Variants in GRID2 observed in about 807,000 individuals in gnomAD.
The protein encoded by GRID2 is glutamate receptor ionotropic, delta-2.
Under a neutral mutation model 114.8 loss-of-function variants are expected in GRID2, and 33 were observed. The observed-to-expected ratio is 0.29, with a 90% CI of 0.22 to 0.38. The LOEUF is 0.38. GRID2 is among the 10% of genes least tolerant of loss of function. The probability of loss-of-function intolerance (pLI) is 1.00; values close to 1 mark genes in which losing one functional copy is unlikely to be tolerated. For missense variants in GRID2, 1,184 were observed against 1,257.7 expected, an observed-to-expected ratio of 0.94 and a Z score of 0.89; for synonymous variants, 505 against 449.9, an observed-to-expected ratio of 1.12 and a Z score of -1.55.
intron 2 of GRID2, among the ~76,000 whole-genome samples, chr4:92,991,288 A>G (rs1754888411): frequency 6.6e-6 from 1 of 152,162 alleles, no homozygotes; most frequent in Non-Finnish European, 1.5e-5. Context: ...ACATATACAG[A>G]CTATCAGGAC....
chr4:93,233,329 A>AT (rs1309007914), intron 7 of GRID2, among the ~76,000 whole-genome samples: 3 of 97,174 alleles, frequency 3.1e-5, no homozygotes, highest in East Asian at 2.5e-4. Context: ...TATTATTATT[A>AT]TTATTATTTT....
At chr4:92,323,955 C>T (rs1214192625) in intron 1 of GRID2, among the ~76,000 whole-genome samples, 2 of 151,784 alleles carry the variant, frequency 1.3e-5, no homozygotes, top group African/African-American at 2.4e-5. Flanking sequence ...ATTAATGTGG[C>T]CTATTAATGT....
intron 2 of GRID2, among the ~76,000 whole-genome samples, chr4:92,831,749 A>T (rs1026826689): frequency 2.0e-5 from 3 of 152,046 alleles, no homozygotes; most frequent in African/African-American, 7.2e-5. Context: ...AGTCCTAGCT[A>T]CTTGAGAGGC....
intron 1 of GRID2, among the ~76,000 whole-genome samples, chr4:92,383,178 A>G (rs549264892): frequency 1.4e-4 from 21 of 152,040 alleles, no homozygotes; most frequent in African/African-American, 4.8e-4. Context: ...TTCCGCTCCC[A>G]TGATCCAATC....
At chr4:93,166,262 C>A (rs893597564) in intron 4 of GRID2, 1 of 152,122 alleles carries the variant, frequency 6.6e-6, no homozygotes, top group Admixed American at 6.6e-5. Flanking sequence ...GCTGTTGACA[C>A]TTTAAAGCTA....
At chr4:93,567,767 T>C (rs988054212) in intron 13 of GRID2, among the ~76,000 whole-genome samples, 1 of 152,200 alleles carries the variant, frequency 6.6e-6, no homozygotes, top group African/African-American at 2.4e-5. Flanking sequence ...AACAGTAACC[T>C]TGTGACCAGG....
chr4:93,313,226 A>G (rs1756214896), intron 8 of GRID2, among the ~76,000 whole-genome samples: 1 of 152,202 alleles, frequency 6.6e-6, no homozygotes, highest in African/African-American at 2.4e-5. Flanking sequence ...AGATTTCAGA[A>G]CTATACAGCT....
intron 2 of GRID2, among the ~76,000 whole-genome samples, chr4:92,751,727 T>C (rs1261351704): frequency 6.6e-6 from 1 of 152,248 alleles, no homozygotes. Flanking sequence ...TAACTTATAC[T>C]ATACTGTAAT....
intron 2 of GRID2, among the ~76,000 whole-genome samples, chr4:92,813,290 C>T (rs181994077): frequency 1.1e-3 from 175 of 152,212 alleles, no homozygotes; most frequent in Non-Finnish European, 2.1e-3. Flanking sequence ...GAGATCAGAA[C>T]GTCAGCATGG....
chr4:92,440,814 G>T (rs1733013803), intron 1 of GRID2, among the ~76,000 whole-genome samples: 1 of 152,096 alleles, frequency 6.6e-6, no homozygotes, highest in African/African-American at 2.4e-5. Context: ...AGTTATGGGG[G>T]TCAAGTGTGG....
chr4:92,324,461 T>A (rs1451065257), intron 1 of GRID2, among the ~76,000 whole-genome samples: 2 of 152,034 alleles, frequency 1.3e-5, no homozygotes, highest in Non-Finnish European at 2.9e-5. Context: ...AATTTTGTGT[T>A]GTAATCCTCT....
chr4:92,521,429 C>T (rs2149140123), intron 1 of GRID2, among the ~76,000 whole-genome samples: 1 of 151,958 alleles, frequency 6.6e-6, no homozygotes, highest in Non-Finnish European at 1.5e-5. Flanking sequence ...AAAAGATTTG[C>T]TAAAATAAAT....
At chr4:92,394,119 A>C (rs1040510653) in intron 1 of GRID2, among the ~76,000 whole-genome samples, 1 of 152,170 alleles carries the variant, frequency 6.6e-6, no homozygotes, top group African/African-American at 2.4e-5. Context: ...TTTATGTGAC[A>C]TTGAAATGCC....
rs573116424 is a variant in GRID2 at position 92,999,948 on chromosome 4, A to T, written c.245-85047A>T. Among the ~76,000 whole-genome samples, 8 of 151,892 alleles carry T rather than the reference A, an allele frequency of 5.3e-5. No homozygotes were observed. In the South Asian group the frequency reaches 1.4e-3, roughly 28 times the overall value. On this transcript the variant is annotated intron_variant, in intron 2 of 15. Coordinates refer to ENST00000282020, the MANE Select transcript of GRID2 (RefSeq NM_001510.4). ...ACAGTTTGTCCTATATTGGTCAAAT[A>T]ATATTCTCCCAGGTATTCTGAAAGA...
chr4:92,931,552 G>T (rs779585880), intron 2 of GRID2, among the ~76,000 whole-genome samples: 1 of 150,538 alleles, frequency 6.6e-6, no homozygotes, highest in Non-Finnish European at 1.5e-5. Context: ...ATCATTTGCA[G>T]ATTACGTAAG....
At chr4:93,138,614 C>G (rs1003159113) in intron 4 of GRID2, among the ~76,000 whole-genome samples, 3 of 152,148 alleles carry the variant, frequency 2.0e-5, no homozygotes, top group Non-Finnish European at 4.4e-5. Context: ...TCCAGTCATT[C>G]AATTTTTCAG....
intron 3 of GRID2, among the ~76,000 whole-genome samples, chr4:93,094,932 A>C (rs2149333324): frequency 6.6e-6 from 1 of 152,182 alleles, no homozygotes; most frequent in Admixed American, 6.6e-5. Context: ...TATTTGAAAA[A>C]AGAAAAGCTT....
chr4:93,245,005 G>A (rs2149522367), intron 8 of GRID2, among the ~76,000 whole-genome samples: 1 of 152,048 alleles, frequency 6.6e-6, no homozygotes, highest in African/African-American at 2.4e-5. Context: ...ATGAATTCAT[G>A]TCTTGGAAGG....
chr4:93,127,807 G>A (rs1734411878), intron 4 of GRID2, among the ~76,000 whole-genome samples: 1 of 151,830 alleles, frequency 6.6e-6, no homozygotes, highest in East Asian at 1.9e-4. Context: ...ACTCAGCCTG[G>A]GCAATTGAAG....
Sources: allele counts gnomAD v4.1 joint callset (sites outside exome capture counted in the v4.1 genomes callset), GRCh38; gene constraint gnomAD v4.1.1; transcripts MANE v1.5; gene names NCBI Gene and HGNC (gene_info 2026-07-23, HGNC 2026-07-21).